Variants in TAP2 observed in about 807,000 individuals in gnomAD.
TAP2 encodes the protein transporter 2, ATP binding cassette subfamily B member, also known as antigen peptide transporter 2.
TAP2 carries 49 observed loss-of-function variants against 74.7 expected under a neutral mutation model. The ratio of observed to expected loss-of-function variants is 0.66; its 90% CI spans 0.52 to 0.83. The LOEUF is 0.83. Ranked by LOEUF, TAP2 falls within the 40% of genes least tolerant of loss-of-function variation. TAP2 has a pLI of 0.00. For synonymous variants in TAP2, 306 were observed against 368.4 expected (o/e 0.83, Z 1.94); for missense variants, 739 against 859.0 (o/e 0.86, Z 1.75).
rs142794316 is a variant in TAP2 at position 32,835,724 on chromosome 6, G to C, written c.658C>G (p.Arg220Gly). ...RGGCFTYTMS[R>G]INLRIREQLF... ...TGCTCCCGGATCCGCAAGTTGATTC[G>C]AGACATGGTGTAGGTGAAGCAGCCT... Residue 220 changes from arginine to glycine, a missense_variant, in exon 4 of 12, where the codon CGA (arginine) becomes GGA (glycine). Arg to Gly is a moderately radical substitution (Grantham distance 125). Coordinates refer to ENST00000374897, the MANE Select transcript of TAP2 (RefSeq NM_001290043.2). This position sits in a 1 kb window ranked among gnomAD's most constrained non-coding sequence, Gnocchi z 4.0. 8.7e-6 allele frequency: 14 copies of C among 1,612,972 alleles called. No individual in the cohort carries two copies. The South Asian group carries it at 1.1e-4, about 13-fold the overall frequency.
chr6:32,827,203 C>T lies in TAP2; in HGVS notation c.*1703G>A. The T allele has an allele frequency of 1.0e-6, 1 of 985,504 alleles. No homozygotes were observed. The highest frequency in any genetic ancestry group is 1.2e-6 in the Non-Finnish European group (1 of 829,942). 61.0% of individuals were successfully genotyped at this position (985,504 alleles called of 1,614,324 possible). A position where few individuals can be genotyped will look rare whatever the true frequency, so the allele number is the denominator to read the frequency against. On this transcript the variant is annotated 3_prime_UTR_variant, in exon 12 of 12. Coordinates refer to ENST00000374897, the MANE Select transcript of TAP2 (RefSeq NM_001290043.2). The stretch of plus-strand genomic sequence containing the variant: ...TGTTTCCAGGAATATGAAGGTTTCT[C>T]TTTCCTAGAATAGCAACTTTCCAAG...
intron 3 of TAP2, among the ~76,000 whole-genome samples, chr6:32,836,604 A>T (rs112647257): frequency 0.059 from 8,931 of 152,288 alleles, 289 homozygotes; most frequent in East Asian, 0.12. Context: ...AGTTTAGCCT[A>T]TTGCTCCTAG....
intron 7 of TAP2, among the ~76,000 whole-genome samples, chr6:32,831,762 G>T (rs891116576): frequency 2.0e-5 from 3 of 152,054 alleles, no homozygotes; most frequent in Non-Finnish European, 4.4e-5. Context: ...ATGGATAGAT[G>T]GATGGATAGA....
At chr6:32,838,491 A>AC (rs1273878348) in intron 1 of TAP2, among the ~76,000 whole-genome samples, 162 bp downstream of exon 1, 2 of 140,532 alleles carry the variant, frequency 1.4e-5, no homozygotes, top group African/African-American at 5.3e-5. Flanking sequence ...AAATCCCCGG[A>AC]CCCCCACCCC....
Position 32,829,402 on chromosome 6 carries a change from C to T in TAP2, c.1930G>A (p.Ala644Thr), listed in dbSNP as rs759776082. The change falls in exon 11 of 12, where the codon GCC becomes ACC. Residue 644 changes from alanine (A) to threonine (T), a missense_variant and splice_region_variant. By Grantham distance (58) the Ala-to-Thr change is moderately conservative. Coordinates refer to ENST00000374897, the MANE Select transcript of TAP2 (RefSeq NM_001290043.2). ...TSALDVQCEQ[A>T]LQDWNSRGDR... is the part of the protein sequence containing the mutation. Reference sequence around the variant, plus strand: ...CCCTGCCCTCTCACGGTACTCACGGCCTGCTCGCACTGCACATCTAGGGCA... The same window carrying T: ...CCCTGCCCTCTCACGGTACTCACGGTCTGCTCGCACTGCACATCTAGGGCA... 5 of 1,596,576 alleles carry T rather than the reference C, an allele frequency of 3.1e-6. No homozygotes were observed. The Admixed American group carries it at 5.3e-5, about 17-fold the overall frequency.
chr6:32,830,152 C>T, intron 9 of TAP2, 63 bp from the exon 10 acceptor site: 1 of 1,612,524 alleles, frequency 6.2e-7, no homozygotes, highest in Non-Finnish European at 8.5e-7. Context: ...GCCCTTTTGT[C>T]CTCCCCACCT....
downstream of TAP2, among the ~76,000 whole-genome samples, chr6:32,824,126 A>T (rs1225427691): frequency 6.6e-6 from 1 of 152,170 alleles, no homozygotes; most frequent in Non-Finnish European, 1.5e-5. Flanking sequence ...CTTATTCTAT[A>T]ATCATTGAGA....
rs1475509954 is a variant in TAP2 at position 32,832,440 on chromosome 6, T to A, written c.1165A>T (p.Met389Leu). Residue 389 changes from methionine to leucine, a missense_variant, in exon 7 of 12, where the codon ATG becomes TTG. Transcript: ENST00000374897. The surrounding 1 kb of genome is among the most constrained non-coding windows in gnomAD (Gnocchi z 5.9). ...TGCAGCCCACAGCTCAGCATCAGCATCTGCACCCCCAAGTGCAGCACCTGG... is the reference window on the plus strand; with the variant it reads ...TGCAGCCCACAGCTCAGCATCAGCAACTGCACCCCCAAGTGCAGCACCTGG... ...VRRVLHLGVQ[M>L]LMLSCGLQQM... The A allele has an allele frequency of 6.2e-7, 1 of 1,612,816 alleles. No individual in the cohort carries two copies. Among genetic ancestry groups the A allele is most frequent in the South Asian group, 1.1e-5 (1 of 91,042 alleles).
In TAP2 at chr6:32,832,556, C is replaced by T. The variant is rs1769155691; in HGVS notation, c.1143+71G>A. ...ACTGAGCTGCAAAGGCCTCTAGAAC[C>T]AGCTGTAGTTTCCTCTTCCCTTGCC... On this transcript the variant is annotated intron_variant, in intron 6 of 11. Coordinates refer to ENST00000374897, the MANE Select transcript of TAP2 (RefSeq NM_001290043.2). This position sits in a 1 kb window ranked among gnomAD's most constrained non-coding sequence, Gnocchi z 5.9. The T allele has an allele frequency of 6.2e-7, 1 of 1,612,192 alleles. No individual in the cohort carries two copies. The highest frequency in any genetic ancestry group is 8.5e-7 in the Non-Finnish European group (1 of 1,179,604).
At chr6:32,824,019 CA>C (rs770657730), downstream of TAP2, among the ~76,000 whole-genome samples, 1 of 151,742 alleles carries the variant, frequency 6.6e-6, no homozygotes, top group Non-Finnish European at 1.5e-5. Context: ...TAAATACGAG[CA>C]CTTGATTTAT....
downstream of TAP2, chr6:32,822,176 C>T (rs1326041728): frequency 9.0e-6 from 8 of 888,440 alleles, no homozygotes; most frequent in Non-Finnish European, 1.1e-5. Flanking sequence ...GCCTCAATTT[C>T]CCTGTGATGG....
intron 7 of TAP2, among the ~76,000 whole-genome samples, chr6:32,831,380 A>G (rs28724897): frequency 0.023 from 3,448 of 152,320 alleles, 51 homozygotes; most frequent in South Asian, 0.066. Context: ...CAGCTAATAC[A>G]TGAAGAATGA....
In TAP2 at chr6:32,830,791, A is replaced by AT. The variant is rs1235336955; in HGVS notation, c.1287dup (p.Tyr430IlefsTer53). On this transcript the variant is annotated frameshift_variant, in exon 8 of 12. Transcript: ENST00000374897. LOFTEE classifies it high-confidence loss of function. ...CCCACGTTGCTGAGCATATCCCCAT[A>AT]TATGTATACCAGGGTCTGGAAAACA... is the stretch of plus-strand genomic sequence containing the variant. 1 of 1,611,716 alleles carries AT rather than the reference A, an allele frequency of 6.2e-7. No homozygotes were observed. The highest frequency in any genetic ancestry group is 1.7e-5 in the Admixed American group (1 of 59,818).
chr6:32,828,385 C>T lies in TAP2; in HGVS notation c.*521G>A. 1 of 985,852 alleles carries T rather than the reference C, an allele frequency of 1.0e-6. No individual in the cohort carries two copies. Among genetic ancestry groups the T allele is most frequent in the Non-Finnish European group, 1.2e-6 (1 of 830,320 alleles). 61.1% of individuals were successfully genotyped at this position (985,852 alleles called of 1,614,324 possible). On this transcript the variant is annotated 3_prime_UTR_variant, in exon 12 of 12. Transcript: ENST00000374897. ...ACAAGGAAGGATATAGGAAGGCAAT[C>T]TCATGAATATTTATGTCATTTTTGG...
At position 32,827,508 on chromosome 6, in the gene TAP2, A is replaced by C. The variant is rs1296093934; in HGVS notation, c.*1398T>G. The C allele has an allele frequency of 3.0e-6, 1 of 332,230 alleles. No homozygotes were observed. The highest frequency in any genetic ancestry group is 4.3e-6 in the Non-Finnish European group (1 of 233,478). The allele number at this position is 332,230 out of a possible 1,614,324, so 20.6% of individuals were successfully genotyped here. The stretch of plus-strand genomic sequence containing the variant: ...AAAGGGCTGTGAAAGAGGTAACCGC[A>C]CAGTGATAGAAGCACATGGAGAGTT... On this transcript the variant is annotated 3_prime_UTR_variant, in exon 12 of 12. Transcript: ENST00000374897.
In TAP2 at chr6:32,827,412, T is replaced by C. The variant is rs1018843762; in HGVS notation, c.*1494A>G. On this transcript the variant is annotated 3_prime_UTR_variant, in exon 12 of 12. Transcript: ENST00000374897. Reference sequence around the variant, plus strand: ...CAGATATAAAGCTTAATAAGATATATGGCTTTCCGCCCAGGTGCTCATGGT... The same window carrying C: ...CAGATATAAAGCTTAATAAGATATACGGCTTTCCGCCCAGGTGCTCATGGT... 2 of 888,008 alleles carry C rather than the reference T, an allele frequency of 2.3e-6. No homozygotes were observed. The highest frequency in any genetic ancestry group is 3.6e-5 in the African/African-American group (2 of 55,120). The allele number at this position is 888,008 out of a possible 1,614,324, so 55.0% of individuals were successfully genotyped here.
intron 11 of TAP2, among the ~76,000 whole-genome samples, 160 bp from the exon 12 acceptor site, chr6:32,829,194 G>A (rs1463420573): frequency 6.6e-6 from 1 of 152,194 alleles, no homozygotes; most frequent in Non-Finnish European, 1.5e-5. Context: ...TCTCCCGGCT[G>A]TACTGCCACA....
In TAP2 at chr6:32,829,323, C is replaced by T. The variant is rs539412174; in HGVS notation, c.1932+77G>A. 3.5e-5 allele frequency: 54 copies of T among 1,547,292 alleles called. No homozygotes were observed. In the East Asian group the frequency reaches 1.2e-3, roughly 35 times the overall value. ...TAGTAGGTCCTTCGTCCTCCCTCTG[C>T]CCAATTCTGCACAGTCTGATCCTCC... On this transcript the variant is annotated intron_variant, in intron 11 of 11. Transcript: ENST00000374897.
intron 3 of TAP2, among the ~76,000 whole-genome samples, chr6:32,836,266 A>C (rs1449034065): frequency 6.6e-6 from 1 of 152,148 alleles, no homozygotes; most frequent in Non-Finnish European, 1.5e-5. Context: ...AATTCTCTGG[A>C]GCCCCAGAGT....
Sources: allele counts gnomAD v4.1 joint callset (sites outside exome capture counted in the v4.1 genomes callset), GRCh38; gene constraint gnomAD v4.1.1; non-coding constraint Gnocchi (gnomAD v3.1); transcripts MANE v1.5; gene names NCBI Gene and HGNC (gene_info 2026-07-23, HGNC 2026-07-21).